The following HAL variants were observed in gnomAD, a reference collection of about 807,000 sequenced individuals.
HAL encodes histidine ammonia-lyase, also known as histidase.
Under a neutral mutation model 81.1 loss-of-function variants are expected in HAL, and 85 were observed. The ratio of observed to expected loss-of-function variants is 1.05; its 90% CI spans 0.88 to 1.25. The LOEUF (loss-of-function observed/expected upper bound fraction) is 1.25. Among genes scored for constraint, HAL ranks in the 50% most tolerant of loss-of-function variants. The probability of loss-of-function intolerance (pLI) is 0.00; values close to 1 mark genes in which losing one functional copy is unlikely to be tolerated. For missense variants in HAL, 798 were observed against 836.6 expected (o/e 0.95, Z 0.57); for synonymous variants, 301 against 309.2 (o/e 0.97, Z 0.28).
Position 95,980,676 on chromosome 12 carries a change from T to C in HAL, c.1399A>G (p.Ser467Gly). 2 of 1,614,030 alleles carry C rather than the reference T, an allele frequency of 1.2e-6. No individual in the cohort carries two copies. The highest frequency in any genetic ancestry group is 1.7e-6 in the Non-Finnish European group (2 of 1,179,876). The change falls in exon 17 of 21, where the codon AGT (serine) becomes GGT (glycine). Residue 467 changes from serine to glycine, a missense_variant. Physicochemically the swap from Ser to Gly is moderately conservative, Grantham distance 56. Coordinates refer to ENST00000261208, the MANE Select transcript of HAL (RefSeq NM_002108.4). ...AIGIHELAAI[S>G]ERRIERLCNP... Reference sequence around the variant, plus strand: ...CAGAGCCGCTCGATTCTTCTCTCACTGATTGCAGCAAGTTCATGGATGCCA... The same window carrying C: ...CAGAGCCGCTCGATTCTTCTCTCACCGATTGCAGCAAGTTCATGGATGCCA...
Position 95,976,461 on chromosome 12 carries a change from C to T in HAL, c.1801G>A (p.Glu601Lys), listed in dbSNP as rs377498665. The change falls in exon 20 of 21, where the codon GAG becomes AAG. Residue 601 changes from glutamate (E) to lysine (K), a missense_variant. Physicochemically the swap from Glu to Lys is moderately conservative, Grantham distance 56. Transcript: ENST00000261208. ...TCCAGGAGCAGCCTGTGGGCTGCCT[C>T]GATGTCCGGGGCCATGAAGCGATCT... ...IKDRFMAPDI[E>K]AAHRLLLEQK... is the part of the protein sequence containing the mutation. The T allele has an allele frequency of 3.2e-5, 51 of 1,614,088 alleles. No individual in the cohort carries two copies. Among genetic ancestry groups the T allele is most frequent in the East Asian group, 4.5e-5 (2 of 44,884 alleles).
intron 9 of HAL, 65 bp downstream of exon 9, chr12:95,992,615 C>G (rs962064500): frequency 9.1e-6 from 13 of 1,432,514 alleles, no homozygotes; most frequent in Admixed American, 3.4e-5. Context: ...TCTGGCCAAT[C>G]AATTCTACCC....
intron 9 of HAL, among the ~76,000 whole-genome samples, chr12:95,991,993 C>T (rs111272612): frequency 6.6e-6 from 1 of 152,186 alleles, no homozygotes; most frequent in African/African-American, 2.4e-5. Flanking sequence ...ACTGCTTCTC[C>T]TCCCTCTCCT....
In HAL at chr12:95,992,870, C is replaced by G. The variant is rs925137769; in HGVS notation, c.590-65G>C. ...CTCCTTTTTGTCTCCTGACAATTGC[C>G]CTCCCTCCCTCCAATCTTTCCCATA... On this transcript the variant is annotated intron_variant, in intron 8 of 20. Coordinates refer to ENST00000261208, the MANE Select transcript of HAL (RefSeq NM_002108.4). 23 of 1,412,612 alleles carry G rather than the reference C, an allele frequency of 1.6e-5. No individual in the cohort carries two copies. In the African/African-American group the frequency reaches 3.3e-4, roughly 20 times the overall value. 87.5% of individuals were successfully genotyped at this position (1,412,612 alleles called of 1,614,324 possible).
At chr12:95,992,659 T>C (rs369441265) in intron 9 of HAL, 21 bp downstream of exon 9, 131 of 1,606,188 alleles carry the variant, frequency 8.2e-5, no homozygotes, top group Non-Finnish European at 9.9e-5. Flanking sequence ...AGAGGTTCCG[T>C]CTAGGGAGCC....
At chr12:95,990,187 C>T in intron 10 of HAL, 2 of 630,148 alleles carry the variant, frequency 3.2e-6, no homozygotes, top group Non-Finnish European at 5.8e-6. Context: ...GATGACCAAA[C>T]CCAGAAGGCT....
At chr12:95,994,869 C>T in intron 3 of HAL, 44 bp from the exon 4 acceptor site, 1 of 1,611,358 alleles carries the variant, frequency 6.2e-7, no homozygotes, top group Admixed American at 1.7e-5. Flanking sequence ...TGGAAAAACC[C>T]CCAGCCCCAC....
At chr12:95,993,351 A>G in intron 8 of HAL, 100 bp downstream of exon 8, 3 of 844,258 alleles carry the variant, frequency 3.6e-6, no homozygotes, top group Non-Finnish European at 4.2e-6. Context: ...CTGTTTTGAG[A>G]AACTAGCTTT....
At chr12:95,983,140 C>A in intron 15 of HAL, among the ~76,000 whole-genome samples, 1 of 152,228 alleles carries the variant, frequency 6.6e-6, no homozygotes, top group African/African-American at 2.4e-5. Flanking sequence ...GTAATCCCGG[C>A]ACTTTGGGAG....
In HAL at chr12:95,984,225, C is replaced by T. The variant is rs79660275; in HGVS notation, c.1207-234G>A. On this transcript the variant is annotated intron_variant, in intron 14 of 20. Transcript: ENST00000261208. ...ATTATCATATATATTCACATTAGAT[C>T]AATCTATACAAAGCAGCATGGTGTG... Among the ~76,000 whole-genome samples the T allele has an allele frequency of 1.6e-4, 24 of 152,214 alleles. No individual in the cohort carries two copies. In the East Asian group the frequency reaches 4.4e-3, roughly 28 times the overall value.
chr12:95,976,313 T>C, intron 20 of HAL, 116 bp downstream of exon 20: 1 of 853,226 alleles, frequency 1.2e-6, no homozygotes, highest in East Asian at 2.4e-5. Context: ...AATACCTTTT[T>C]GCTCATTCCC....
intron 2 of HAL, 76 bp downstream of exon 2, chr12:95,995,588 G>A (rs1950023896): frequency 1.3e-6 from 2 of 1,588,504 alleles, no homozygotes; most frequent in South Asian, 1.1e-5. Context: ...TTTTCCCTGA[G>A]GTGGGGGTTC....
intron 9 of HAL, 129 bp from the exon 10 acceptor site, chr12:95,990,661 AC>A: frequency 1.3e-6 from 1 of 765,238 alleles, no homozygotes; most frequent in Non-Finnish European, 2.3e-6. Flanking sequence ...TGGCATAGAT[AC>A]CTGGGGAAAG....
At chr12:95,985,770 A>G in intron 14 of HAL, 138 bp downstream of exon 14, 1 of 670,200 alleles carries the variant, frequency 1.5e-6, no homozygotes. Flanking sequence ...TCATAGAGAC[A>G]GTAAGAAATT....
intron 9 of HAL, 85 bp from the exon 10 acceptor site, chr12:95,990,617 C>T (rs1949957385): frequency 2.6e-5 from 27 of 1,046,294 alleles, no homozygotes; most frequent in Non-Finnish European, 3.6e-5. Context: ...CCACTGCCCC[C>T]GCAAACACCC....
intron 12 of HAL, 62 bp from the exon 13 acceptor site, chr12:95,986,222 G>A: frequency 2.0e-6 from 2 of 1,002,190 alleles, no homozygotes; most frequent in South Asian, 1.3e-5. Context: ...TTTAAAGATG[G>A]GGGTCTCACT....
Position 95,994,158 on chromosome 12 carries a change from C to T in HAL, c.343G>A (p.Glu115Lys), listed in dbSNP as rs764306975. ...GTGGTCAGACGGTCTCCATCTAACTCGATGTACTACACAAAAGAAGGGGAT... is the reference window on the plus strand; with the variant it reads ...GTGGTCAGACGGTCTCCATCTAACTTGATGTACTACACAAAAGAAGGGGAT... ...SKYREPEKYI[E>K]LDGDRLTTED... The change falls in exon 5 of 21, where the codon GAG becomes AAG. Residue 115 changes from glutamate to lysine, a missense_variant. Transcript: ENST00000261208. 10 of 1,609,980 alleles carry T rather than the reference C, an allele frequency of 6.2e-6. No individual in the cohort carries two copies. Among genetic ancestry groups the T allele is most frequent in the South Asian group, 1.1e-5 (1 of 90,988 alleles).
chr12:95,979,929 A>C (rs1418501613), intron 17 of HAL, among the ~76,000 whole-genome samples: 1 of 152,258 alleles, frequency 6.6e-6, no homozygotes, highest in Admixed American at 6.5e-5. Context: ...TTGTGCAATT[A>C]AGTGAATGAA....
At chr12:95,993,878 T>G in intron 6 of HAL, 40 bp from the exon 7 acceptor site, 1 of 1,466,372 alleles carries the variant, frequency 6.8e-7, no homozygotes. Flanking sequence ...AATGCAGGGA[T>G]TTTTGTTTGT....
Sources: gnomAD v4.1 joint callset for allele counts (sites outside exome capture counted in the v4.1 genomes callset) on GRCh38, gnomAD v4.1.1 for gene constraint, MANE v1.5 for transcripts, NCBI Gene and HGNC (gene_info 2026-07-23, HGNC 2026-07-21) for gene names.